Variants in KCNIP4 observed in about 807,000 individuals in gnomAD.
The protein encoded by KCNIP4 is potassium voltage-gated channel interacting protein 4.
A neutral mutation model predicts 34.0 loss-of-function variants in KCNIP4; 12 were observed. That is an observed-to-expected ratio of 0.35 (90% CI 0.23 to 0.57). The LOEUF (loss-of-function observed/expected upper bound fraction) is 0.57. KCNIP4 is among the 20% of genes least tolerant of loss of function. KCNIP4 has a pLI of 0.83. For missense variants in KCNIP4, 238 were observed against 311.7 expected (o/e 0.76, Z 1.78); for synonymous variants, 124 against 102.2 (o/e 1.21, Z -1.29).
At chr4:21,877,355 A>AAAATAAATAAATAAATAAAT (rs369426118) in intron 1 of KCNIP4, among the ~76,000 whole-genome samples, 3 of 152,042 alleles carry the variant, frequency 2.0e-5, no homozygotes, top group African/African-American at 7.2e-5. Context: ...CTCCATCTCA[A>AAAATAAATAAATAAATAAAT]AAATAAATAA....
chr4:20,982,967 T>C (rs1029249645), intron 1 of KCNIP4, among the ~76,000 whole-genome samples: 4 of 152,230 alleles, frequency 2.6e-5, no homozygotes, highest in African/African-American at 9.7e-5. Context: ...AGATTGCATG[T>C]AGAATTGATA....
chr4:21,319,314 A>G (rs137914081), intron 1 of KCNIP4, among the ~76,000 whole-genome samples: 1 of 152,338 alleles, frequency 6.6e-6, no homozygotes, highest in Non-Finnish European at 1.5e-5. Flanking sequence ...CTTAAGGAAT[A>G]ACAAATCAAC....
intron 1 of KCNIP4, among the ~76,000 whole-genome samples, chr4:21,528,028 C>G (rs148380858): frequency 5.3e-5 from 8 of 152,186 alleles, no homozygotes; most frequent in Non-Finnish European, 1.2e-4. Context: ...CGGGGTCGGT[C>G]CTAATCAGCA....
chr4:20,984,901 A>C (rs938680783), intron 1 of KCNIP4, among the ~76,000 whole-genome samples: 10 of 151,612 alleles, frequency 6.6e-5, no homozygotes, highest in African/African-American at 2.4e-4. Flanking sequence ...AGGAGCCTGG[A>C]GTGTGTGTTA....
rs138807417 is a variant in KCNIP4 at position 21,223,789 on chromosome 4, A to AGT, written c.62-341082_62-341081dup. On this transcript the variant is annotated intron_variant, in intron 1 of 8. Transcript: ENST00000382152. ...TTAGTTGATGAATAGGGTGTGTGTG[A>AGT]GTGTGTGTGTGTGTCTTTCTTGGTA... Among the ~76,000 whole-genome samples, 17 of 151,640 alleles carry AGT rather than the reference A, an allele frequency of 1.1e-4. 1 individual carries two copies. Among genetic ancestry groups the AGT allele is most frequent in the South Asian group, 4.2e-4 (2 of 4,794 alleles).
chr4:20,804,717 G>A (rs1714840696), intron 3 of KCNIP4, among the ~76,000 whole-genome samples: 1 of 152,136 alleles, frequency 6.6e-6, no homozygotes, highest in Admixed American at 6.5e-5. Context: ...GAAACTTAAT[G>A]TAACTTAGGA....
At chr4:20,757,350 A>G (rs1157290780) in intron 4 of KCNIP4, among the ~76,000 whole-genome samples, 1 of 152,132 alleles carries the variant, frequency 6.6e-6, no homozygotes, top group Admixed American at 6.5e-5. Context: ...AGTATTGCTG[A>G]CCTCAAGTTA....
chr4:20,732,737 T>C lies in KCNIP4; in HGVS notation c.586A>G (p.Thr196Ala), dbSNP rs916331087. Residue 196 changes from threonine to alanine, a missense_variant, in exon 7 of 9, where the codon ACA becomes GCA. By Grantham distance (58) the Thr-to-Ala change is moderately conservative. Transcript: ENST00000382152. ...KAIYDMMGKC[T>A]YPVLKEDAPR... ...GCATCTTCTTTGAGGACAGGATATG[T>C]ACATTTACCCATCATATCGTATATT... 6.2e-7 allele frequency: 1 copy of C among 1,612,816 alleles called. No homozygotes were observed. The highest frequency in any genetic ancestry group is 8.5e-7 in the Non-Finnish European group (1 of 1,179,046).
At chr4:21,417,194 C>T (rs1263409495) in intron 1 of KCNIP4, among the ~76,000 whole-genome samples, 1 of 151,874 alleles carries the variant, frequency 6.6e-6, no homozygotes, top group Non-Finnish European at 1.5e-5. Context: ...TCACATACTG[C>T]CCAAACATAA....
intron 1 of KCNIP4, among the ~76,000 whole-genome samples, chr4:21,379,830 C>T (rs1461127519): frequency 6.6e-6 from 1 of 152,108 alleles, no homozygotes; most frequent in Non-Finnish European, 1.5e-5. Flanking sequence ...ATTTTTGCAT[C>T]TTCATGCTTC....
At chr4:21,842,691 A>G (rs899566434) in intron 1 of KCNIP4, among the ~76,000 whole-genome samples, 1 of 152,124 alleles carries the variant, frequency 6.6e-6, no homozygotes, top group Non-Finnish European at 1.5e-5. Context: ...CCTAATACAG[A>G]TTTTTAAGAA....
chr4:21,914,001 T>C (rs1390941251), intron 1 of KCNIP4, among the ~76,000 whole-genome samples: 1 of 151,972 alleles, frequency 6.6e-6, no homozygotes, highest in Non-Finnish European at 1.5e-5. Context: ...TGAATGAAAG[T>C]TTCAGTGTAG....
chr4:20,901,183 A>G (rs948977364), intron 1 of KCNIP4, among the ~76,000 whole-genome samples: 1 of 152,272 alleles, frequency 6.6e-6, no homozygotes, highest in African/African-American at 2.4e-5. Flanking sequence ...AATCATGAAA[A>G]GAAAACAGTC....
At chr4:21,705,483 T>A (rs1218896629) in intron 1 of KCNIP4, among the ~76,000 whole-genome samples, 2 of 152,144 alleles carry the variant, frequency 1.3e-5, no homozygotes, top group Non-Finnish European at 1.5e-5. Context: ...TAAAAATACC[T>A]TTTGAGCCCC....
chr4:21,377,924 G>C (rs1018738288), intron 1 of KCNIP4, among the ~76,000 whole-genome samples: 12 of 152,174 alleles, frequency 7.9e-5, no homozygotes, highest in African/African-American at 2.4e-4. Context: ...GGTTGATCAG[G>C]TGGTGTTTCA....
At chr4:21,799,679 A>G (rs1720868284) in intron 1 of KCNIP4, among the ~76,000 whole-genome samples, 1 of 152,200 alleles carries the variant, frequency 6.6e-6, no homozygotes, top group Non-Finnish European at 1.5e-5. Context: ...CTTCATGTTC[A>G]GGCCCTTAGA....
At chr4:20,766,173 A>G (rs1337194173) in intron 3 of KCNIP4, among the ~76,000 whole-genome samples, 1 of 152,170 alleles carries the variant, frequency 6.6e-6, no homozygotes, top group African/African-American at 2.4e-5. Context: ...ACTCCATTTT[A>G]CAAATGAATG....
intron 1 of KCNIP4, among the ~76,000 whole-genome samples, chr4:21,299,209 GATATTA>G (rs1200758603): frequency 1.3e-5 from 2 of 151,800 alleles, no homozygotes; most frequent in African/African-American, 4.8e-5. Flanking sequence ...ATAATAAAAA[GATATTA>G]ATATTATTTA....
chr4:21,537,971 C>A (rs1238863840), intron 1 of KCNIP4, among the ~76,000 whole-genome samples: 6 of 126,194 alleles, frequency 4.8e-5, no homozygotes, highest in Non-Finnish European at 7.8e-5. Flanking sequence ...GAGATTGCAC[C>A]ACTGTACTCC....
Sources: allele counts gnomAD v4.1 joint callset (sites outside exome capture counted in the v4.1 genomes callset), GRCh38; gene constraint gnomAD v4.1.1; transcripts MANE v1.5; gene names NCBI Gene and HGNC (gene_info 2026-07-23, HGNC 2026-07-21).